Variants in PTPRO observed in about 807,000 individuals in gnomAD.
PTPRO encodes protein tyrosine phosphatase receptor type O.
A neutral mutation model predicts 145.2 loss-of-function variants in PTPRO; 62 were observed. The observed-to-expected ratio is 0.43, with a 90% confidence interval of 0.35 to 0.53. The LOEUF is 0.53. Among genes scored for constraint, PTPRO ranks in the 20% least tolerant of loss-of-function variants. The pLI is 0.01. For synonymous variants in PTPRO, 565 were observed against 514.7 expected (o/e 1.10, Z -1.32); for missense variants, 1,345 against 1,482.7 (o/e 0.91, Z 1.53).
intron 18 of PTPRO, 66 bp from the exon 19 acceptor site, chr12:15,569,351 A>C (rs1487147942): frequency 1.5e-6 from 2 of 1,313,702 alleles, no homozygotes; most frequent in East Asian, 4.8e-5. Flanking sequence ...TATGATATTA[A>C]ACAATATATA....
chr12:15,479,848 T>C (rs188361046), intron 1 of PTPRO, among the ~76,000 whole-genome samples: 4 of 152,308 alleles, frequency 2.6e-5, no homozygotes, highest in Admixed American at 6.5e-5. Flanking sequence ...CCTCTTCAGA[T>C]GAGTATGAGG....
At chr12:15,520,785 A>G (rs1175672247) in intron 10 of PTPRO, among the ~76,000 whole-genome samples, 2 of 152,224 alleles carry the variant, frequency 1.3e-5, no homozygotes, top group African/African-American at 2.4e-5. Context: ...CTGGATTTGA[A>G]TAGACCCTCC....
intron 1 of PTPRO, among the ~76,000 whole-genome samples, chr12:15,472,526 G>A (rs1444128320): frequency 6.6e-6 from 1 of 152,118 alleles, no homozygotes; most frequent in East Asian, 1.9e-4. Flanking sequence ...CGCTTAACAA[G>A]TGCCTTTTCT....
At chr12:15,529,957 A>G in intron 12 of PTPRO, among the ~76,000 whole-genome samples, 1 of 152,176 alleles carries the variant, frequency 6.6e-6, no homozygotes, top group African/African-American at 2.4e-5. Flanking sequence ...AGACCCAACT[A>G]TATGCTGCCT....
At chr12:15,468,866 A>C (rs1215719349) in intron 1 of PTPRO, among the ~76,000 whole-genome samples, 1 of 152,164 alleles carries the variant, frequency 6.6e-6, no homozygotes, top group Non-Finnish European at 1.5e-5. Flanking sequence ...CTATATAGGG[A>C]TCAGTCTTTC....
At position 15,578,911 on chromosome 12, in the gene PTPRO, G is replaced by T; in HGVS notation, c.2888G>T (p.Arg963Leu). ...PHFAADLPLN[R>L]CKNRYTNILP... ...TTTGCTGCAGATCTTCCACTGAATC[G>T]ATGTAAAAACCGTTACACAAACATC... The change falls in exon 20 of 27, where the codon CGA (arginine) becomes CTA (leucine). Residue 963 changes from arginine (R) to leucine (L), a missense_variant. Transcript: ENST00000281171. 4 of 1,606,204 alleles carry T rather than the reference G, an allele frequency of 2.5e-6. No individual in the cohort carries two copies. The highest frequency in any genetic ancestry group is 3.3e-5 in the Admixed American group (2 of 59,996).
chr12:15,496,934 C>G (rs917568721), intron 2 of PTPRO, among the ~76,000 whole-genome samples: 2 of 152,120 alleles, frequency 1.3e-5, no homozygotes, highest in African/African-American at 4.8e-5. Context: ...GTAATTTAGT[C>G]TGTGAGTCAT....
intron 1 of PTPRO, among the ~76,000 whole-genome samples, chr12:15,340,476 T>C (rs1200555640): frequency 6.6e-6 from 1 of 152,218 alleles, no homozygotes; most frequent in African/African-American, 2.4e-5. Flanking sequence ...TCTTGCGGTT[T>C]CTTTTTTCTG....
At chr12:15,483,935 T>C in intron 1 of PTPRO, 39 bp from the exon 2 acceptor site, 2 of 1,597,712 alleles carry the variant, frequency 1.3e-6, no homozygotes, top group Non-Finnish European at 1.7e-6. Context: ...ATTATCTGAA[T>C]ATAACCTCCA....
chr12:15,509,390 TTAAAAA>T (rs1007884642), intron 7 of PTPRO, among the ~76,000 whole-genome samples: 15 of 149,372 alleles, frequency 1.0e-4, no homozygotes, highest in Non-Finnish European at 1.9e-4. Flanking sequence ...AAAAAAAAAC[TTAAAAA>T]TGTAAAGAAT....
At chr12:15,480,679 A>C (rs1941758707) in intron 1 of PTPRO, among the ~76,000 whole-genome samples, 1 of 152,162 alleles carries the variant, frequency 6.6e-6, no homozygotes, top group Non-Finnish European at 1.5e-5. Flanking sequence ...GCTATCTCAC[A>C]CTGACTGAAG....
intron 1 of PTPRO, among the ~76,000 whole-genome samples, chr12:15,437,140 C>T (rs1440142663): frequency 6.6e-6 from 1 of 151,772 alleles, no homozygotes; most frequent in Non-Finnish European, 1.5e-5. Flanking sequence ...GTGCTCCATG[C>T]CCAAGCAGAT....
rs561746089 is a variant in PTPRO, at chr12:15,581,661, G to T, written c.3133-18G>T. ...CCTAGCCTGTTTGTTTTAAAAAATTGTTTTGTCCTTGCTCCAGGTGAAATG... is the reference window on the plus strand; with the variant it reads ...CCTAGCCTGTTTGTTTTAAAAAATTTTTTTGTCCTTGCTCCAGGTGAAATG... On this transcript the variant is annotated intron_variant, in intron 22 of 26. Coordinates refer to ENST00000281171, the MANE Select transcript of PTPRO (RefSeq NM_030667.3). The T allele has an allele frequency of 1.1e-5, 18 of 1,613,216 alleles. No homozygotes were observed. The African/African-American group carries it at 1.5e-4, about 13-fold the overall frequency.
At position 15,389,037 on chromosome 12, in the gene PTPRO, C is replaced by T. The variant is rs538150120; in HGVS notation, c.75+66236C>T. ...ATTTTGATGGTATTTTTTTTTCCAA[C>T]GTGATTGTGCCAGTGCACTCCAGAC... is the stretch of plus-strand genomic sequence containing the variant. On this transcript the variant is annotated intron_variant, in intron 1 of 26. Transcript: ENST00000281171. Among the ~76,000 whole-genome samples, 13 of 151,614 alleles carry T rather than the reference C, an allele frequency of 8.6e-5. No homozygotes were observed. In the East Asian group the frequency reaches 2.1e-3, roughly 25 times the overall value.
At chr12:15,580,906 T>C in intron 22 of PTPRO, 75 bp downstream of exon 22, 2 of 1,568,008 alleles carry the variant, frequency 1.3e-6, no homozygotes, top group Non-Finnish European at 1.8e-6. Context: ...AAATGCTTGC[T>C]GTTTTCAAAG....
In PTPRO at chr12:15,490,134, T is replaced by C. The variant is rs564590852; in HGVS notation, c.349+5887T>C. Among the ~76,000 whole-genome samples, 122 of 152,330 alleles carry C rather than the reference T, an allele frequency of 8.0e-4. No individual in the cohort carries two copies. In the South Asian group the frequency reaches 1.0e-2, roughly 12 times the overall value. On this transcript the variant is annotated intron_variant, in intron 2 of 26. Coordinates refer to ENST00000281171, the MANE Select transcript of PTPRO (RefSeq NM_030667.3). ...TTTGAATGGAGAAAGCTCTCTCTTG[T>C]AGCAAAGCTGCAAGCCAAGAGATCC...
chr12:15,434,899 T>G (rs1940552504), intron 1 of PTPRO, among the ~76,000 whole-genome samples: 1 of 152,196 alleles, frequency 6.6e-6, no homozygotes, highest in Non-Finnish European at 1.5e-5. Context: ...ATTTTGCCCT[T>G]TTGGTTGCAA....
At chr12:15,373,885 A>C (rs750102499) in intron 1 of PTPRO, among the ~76,000 whole-genome samples, 9 of 152,154 alleles carry the variant, frequency 5.9e-5, no homozygotes, top group Non-Finnish European at 4.4e-5. Flanking sequence ...TGGGCCTATG[A>C]CCTTATTTTA....
chr12:15,506,851 T>C (rs1942330798), intron 6 of PTPRO, among the ~76,000 whole-genome samples: 1 of 152,184 alleles, frequency 6.6e-6, no homozygotes, highest in African/African-American at 2.4e-5. Flanking sequence ...ATTTCACAGA[T>C]GCAATGACTG....
Sources: gnomAD v4.1 joint callset for allele counts (sites outside exome capture counted in the v4.1 genomes callset) on GRCh38, gnomAD v4.1.1 for gene constraint, MANE v1.5 for transcripts, NCBI Gene and HGNC (gene_info 2026-07-23, HGNC 2026-07-21) for gene names.